Variants in MYO3B observed in about 807,000 individuals in gnomAD.
MYO3B encodes myosin IIIB, also known as myosin-IIIb.
MYO3B carries 156 observed loss-of-function variants against 174.6 expected under a neutral mutation model. The observed-to-expected ratio is 0.89, with a 90% confidence interval of 0.78 to 1.02. The LOEUF (loss-of-function observed/expected upper bound fraction) is 1.02, where lower values mean the gene tolerates loss of function less well. Among genes scored for constraint, MYO3B ranks in the 50% least tolerant of loss-of-function variants. The pLI is 0.00. For missense variants in MYO3B, 1,632 were observed against 1,639.4 expected, an observed-to-expected ratio of 1.00 and a Z score of 0.08; for synonymous variants, 563 against 569.1, an observed-to-expected ratio of 0.99 and a Z score of 0.15.
At chr2:170,424,857 T>G (rs2094648358) in intron 22 of MYO3B, among the ~76,000 whole-genome samples, 1 of 152,220 alleles carries the variant, frequency 6.6e-6, no homozygotes, top group Admixed American at 6.5e-5. Flanking sequence ...GCAGCTTTGA[T>G]TTTTCGAATG....
intron 22 of MYO3B, among the ~76,000 whole-genome samples, chr2:170,436,962 A>G (rs1035180505): frequency 6.6e-6 from 1 of 152,104 alleles, no homozygotes; most frequent in Non-Finnish European, 1.5e-5. Context: ...ATAAAATACT[A>G]CCTAATGTGA....
chr2:170,572,535 A>C lies in MYO3B; in HGVS notation c.3733+28547A>C, dbSNP rs186089867. On this transcript the variant is annotated intron_variant, in intron 32 of 34. Coordinates refer to ENST00000408978, the MANE Select transcript of MYO3B (RefSeq NM_138995.5). ...GGAACTGAGATGGGAGGATTACTTG[A>C]GAACAGGAGCTTGAGGCTGCAGTGA... is the stretch of plus-strand genomic sequence containing the variant. Among the ~76,000 whole-genome samples the C allele has an allele frequency of 1.5e-3, 225 of 151,214 alleles. No individual in the cohort carries two copies. The Middle Eastern group carries it at 0.031, about 21-fold the overall frequency.
intron 32 of MYO3B, among the ~76,000 whole-genome samples, chr2:170,636,154 C>T (rs1559185916): frequency 2.0e-5 from 3 of 152,240 alleles, no homozygotes; most frequent in East Asian, 3.9e-4. Flanking sequence ...ATGTGTGTTA[C>T]GATCTCTCGC....
chr2:170,505,236 G>A (rs1687551148), intron 28 of MYO3B, among the ~76,000 whole-genome samples: 1 of 152,076 alleles, frequency 6.6e-6, no homozygotes, highest in Non-Finnish European at 1.5e-5. Flanking sequence ...CTGAGCAAAG[G>A]TATTGTCTAT....
chr2:170,482,863 C>A (rs1188118793), intron 25 of MYO3B, among the ~76,000 whole-genome samples: 1 of 152,224 alleles, frequency 6.6e-6, no homozygotes, highest in Non-Finnish European at 1.5e-5. Context: ...ACTTCTGTGA[C>A]CACCTCTACT....
At chr2:170,340,580 C>G (rs747478542) in intron 8 of MYO3B, 2 of 152,122 alleles carry the variant, frequency 1.3e-5, no homozygotes, top group Non-Finnish European at 2.9e-5. Context: ...ACTCAAAAAC[C>G]GAGTGAAAAC....
intron 7 of MYO3B, among the ~76,000 whole-genome samples, chr2:170,289,207 G>A (rs2093578587): frequency 1.3e-5 from 2 of 152,052 alleles, no homozygotes; most frequent in Admixed American, 6.6e-5. Context: ...TGGTATCAAG[G>A]TGATGCTGTC....
chr2:170,496,560 A>AT (rs1686861203), intron 25 of MYO3B, among the ~76,000 whole-genome samples: 1 of 149,852 alleles, frequency 6.7e-6, no homozygotes, highest in South Asian at 2.1e-4. Context: ...CTAAGGTGAG[A>AT]TTTTCTAAAA....
chr2:170,371,754 A>T (rs989071575), intron 9 of MYO3B, among the ~76,000 whole-genome samples: 2 of 151,592 alleles, frequency 1.3e-5, no homozygotes, highest in African/African-American at 4.8e-5. Context: ...TTACCCGCTC[A>T]TCATTTTTCT....
intron 7 of MYO3B, among the ~76,000 whole-genome samples, chr2:170,308,086 A>C (rs1174741163): frequency 6.6e-6 from 1 of 152,126 alleles, no homozygotes; most frequent in Non-Finnish European, 1.5e-5. Context: ...ATACTCAATA[A>C]ATATTTATTG....
intron 7 of MYO3B, among the ~76,000 whole-genome samples, chr2:170,287,979 G>A (rs912947527): frequency 2.6e-5 from 4 of 151,898 alleles, no homozygotes; most frequent in African/African-American, 9.7e-5. Flanking sequence ...TGAAAAGACC[G>A]TCCTTTCCCC....
At chr2:170,321,100 TA>T (rs1242590728) in intron 7 of MYO3B, among the ~76,000 whole-genome samples, 2 of 151,920 alleles carry the variant, frequency 1.3e-5, no homozygotes, top group East Asian at 3.9e-4. Context: ...CCCCATCTGC[TA>T]AAAAAATCGA....
intron 32 of MYO3B, among the ~76,000 whole-genome samples, chr2:170,565,795 G>A (rs1000819120): frequency 6.6e-6 from 1 of 152,186 alleles, no homozygotes; most frequent in Non-Finnish European, 1.5e-5. Flanking sequence ...ACCAAGTGAG[G>A]TTACTCTTGT....
At chr2:170,459,584 C>T (rs1435906115) in intron 23 of MYO3B, among the ~76,000 whole-genome samples, 2 of 152,204 alleles carry the variant, frequency 1.3e-5, no homozygotes, top group East Asian at 3.9e-4. Flanking sequence ...CCTACTGGAT[C>T]CTGCTGCAGG....
intron 30 of MYO3B, among the ~76,000 whole-genome samples, chr2:170,520,479 A>G (rs1218437748): frequency 6.6e-6 from 1 of 151,480 alleles, no homozygotes; most frequent in East Asian, 1.9e-4. Context: ...ATATATACAC[A>G]TATATATATA....
chr2:170,628,329 C>T (rs937383620), intron 32 of MYO3B, among the ~76,000 whole-genome samples: 1 of 152,250 alleles, frequency 6.6e-6, no homozygotes, highest in Non-Finnish European at 1.5e-5. Context: ...GCTCCGTGGG[C>T]ATGGGACCCT....
chr2:170,372,192 T>C (rs2105698755), intron 9 of MYO3B, among the ~76,000 whole-genome samples: 1 of 148,910 alleles, frequency 6.7e-6, no homozygotes, highest in Non-Finnish European at 1.5e-5. Flanking sequence ...GGTTTGGATC[T>C]CAGGCCAGCC....
At position 170,405,603 on chromosome 2, in the gene MYO3B, G is replaced by A. The variant is rs1156564099; in HGVS notation, c.2490G>A (p.Leu830=). The A allele has an allele frequency of 1.9e-6, 3 of 1,614,062 alleles. No homozygotes were observed. Among genetic ancestry groups the A allele is most frequent in the Admixed American group, 1.7e-5 (1 of 60,002 alleles). The change falls in exon 21 of 35, where the codon CTG becomes CTA. Residue 830 remains leucine (L), a synonymous_variant. Coordinates refer to ENST00000408978, the MANE Select transcript of MYO3B (RefSeq NM_138995.5). ...KYFWRPKGVE[L]CFGIQHYAGK... is the part of the protein sequence containing the mutation. Reference sequence around the variant, plus strand: ...TCTGGAGGCCCAAAGGAGTGGAACTGTGCTTTGGCATTCAGCATTATGCTG... The same window carrying A: ...TCTGGAGGCCCAAAGGAGTGGAACTATGCTTTGGCATTCAGCATTATGCTG...
chr2:170,421,841 C>T (rs1430048919), intron 22 of MYO3B, among the ~76,000 whole-genome samples: 1 of 152,150 alleles, frequency 6.6e-6, no homozygotes, highest in East Asian at 1.9e-4. Context: ...CTTTTTCCCC[C>T]ATCCCTGAAT....
Sources: allele counts gnomAD v4.1 joint callset (sites outside exome capture counted in the v4.1 genomes callset), GRCh38; gene constraint gnomAD v4.1.1; transcripts MANE v1.5; gene names NCBI Gene and HGNC (gene_info 2026-07-23, HGNC 2026-07-21).